TTC39B: variants seen among roughly 807,000 people sequenced by gnomAD.
TTC39B encodes tetratricopeptide repeat protein 39B.
In TTC39B, 92 loss-of-function variants were observed where a neutral mutation model predicts 96.6. The observed-to-expected ratio is 0.95, with a 90% CI of 0.80 to 1.13. The LOEUF (loss-of-function observed/expected upper bound fraction) is 1.13, where lower values mean the gene tolerates loss of function less well. TTC39B is among the 50% of genes most tolerant of loss of function. The probability of loss-of-function intolerance (pLI) is 0.00; values close to 1 mark genes in which losing one functional copy is unlikely to be tolerated. For missense variants in TTC39B, 955 were observed against 809.3 expected (o/e 1.18, Z -2.18); for synonymous variants, 367 against 299.4 (o/e 1.23, Z -2.33).
chr9:15,269,453 A>G (rs912281), intron 1 of TTC39B, among the ~76,000 whole-genome samples: 2,184 of 152,338 alleles, frequency 0.014, 62 homozygotes, highest in African/African-American at 0.049. Context: ...AGAAATGAGG[A>G]AAGGGGGCTA....
At chr9:15,253,940 C>A (rs1474118718) in intron 2 of TTC39B, among the ~76,000 whole-genome samples, 2 of 152,164 alleles carry the variant, frequency 1.3e-5, no homozygotes, top group East Asian at 3.8e-4. Context: ...CATCCCTGCA[C>A]ATGTGAACCT....
At chr9:15,224,932 C>T (rs1194179053) in intron 3 of TTC39B, among the ~76,000 whole-genome samples, 2 of 152,238 alleles carry the variant, frequency 1.3e-5, no homozygotes, top group Non-Finnish European at 2.9e-5. Flanking sequence ...AAAGAACACA[C>T]GCATAGCTGA....
intron 2 of TTC39B, among the ~76,000 whole-genome samples, chr9:15,245,643 C>T (rs1822241001): frequency 6.6e-6 from 1 of 152,128 alleles, no homozygotes; most frequent in Non-Finnish European, 1.5e-5. Context: ...GACTACAGCC[C>T]CAAACCACAA....
chr9:15,299,929 G>A (rs1332650008), intron 1 of TTC39B, among the ~76,000 whole-genome samples: 1 of 152,068 alleles, frequency 6.6e-6, no homozygotes, highest in African/African-American at 2.4e-5. Context: ...GGTACAGGGG[G>A]AGGAAAAGTT....
chr9:15,179,183 T>C (rs868320247), intron 17 of TTC39B, among the ~76,000 whole-genome samples: 5 of 152,192 alleles, frequency 3.3e-5, no homozygotes, highest in Non-Finnish European at 7.3e-5. Flanking sequence ...ATTTACACTT[T>C]TGAAATTTTT....
chr9:15,185,106 C>A (rs1818448428), intron 16 of TTC39B, among the ~76,000 whole-genome samples, 174 bp downstream of exon 16: 1 of 152,152 alleles, frequency 6.6e-6, no homozygotes, highest in Non-Finnish European at 1.5e-5. Context: ...TAGTCAAAAA[C>A]CATTAGCTAC....
chr9:15,217,445 G>A (rs968006100), intron 3 of TTC39B, among the ~76,000 whole-genome samples: 3 of 151,952 alleles, frequency 2.0e-5, no homozygotes, highest in Non-Finnish European at 2.9e-5. Context: ...CAGCACCTCC[G>A]AGCACATAAA....
At chr9:15,192,791 T>A in intron 8 of TTC39B, 96 bp from the exon 9 acceptor site, 2 of 810,366 alleles carry the variant, frequency 2.5e-6, no homozygotes, top group Non-Finnish European at 3.9e-6. Context: ...AAAATAAATG[T>A]CATTAATTAA....
intron 1 of TTC39B, among the ~76,000 whole-genome samples, chr9:15,291,153 A>G (rs56148014): frequency 0.014 from 2,113 of 152,334 alleles, 53 homozygotes; most frequent in African/African-American, 0.047. Flanking sequence ...CATTGTCCAC[A>G]TGAATAATTT....
At chr9:15,289,636 C>T (rs1824108686) in intron 1 of TTC39B, among the ~76,000 whole-genome samples, 1 of 152,172 alleles carries the variant, frequency 6.6e-6, no homozygotes, top group African/African-American at 2.4e-5. Flanking sequence ...GAACAGATAC[C>T]ACAAATCTGA....
chr9:15,297,223 CCCTTGCTGCCTGCTGAAATT>C (rs1408202744), intron 1 of TTC39B, among the ~76,000 whole-genome samples: 7 of 152,206 alleles, frequency 4.6e-5, no homozygotes, highest in African/African-American at 7.2e-5. Context: ...GTGATCTCCT[CCCTTGCTGCCTGCTGAAATT>C]CCACCTCATG....
chr9:15,217,872 T>C (rs1193096404), intron 3 of TTC39B, among the ~76,000 whole-genome samples: 2 of 152,132 alleles, frequency 1.3e-5, no homozygotes, highest in Non-Finnish European at 2.9e-5. Flanking sequence ...TGGCTCACCA[T>C]ACCTGTCCAA....
chr9:15,226,028 G>T lies in TTC39B; in HGVS notation c.276-16C>A. 6.2e-7 allele frequency: 1 copy of T among 1,610,350 alleles called. No homozygotes were observed. Among genetic ancestry groups the T allele is most frequent in the Non-Finnish European group, 8.5e-7 (1 of 1,177,222 alleles). ...GTGAGAAGATCTGTTAATTAAAAAG[G>T]CAGAGCAAGGTTTTTTATTTCTTTG... On this transcript the variant is annotated splice_polypyrimidine_tract_variant and intron_variant, in intron 2 of 19. Coordinates refer to ENST00000512701, the Ensembl canonical transcript of TTC39B.
intron 7 of TTC39B, among the ~76,000 whole-genome samples, chr9:15,200,273 TA>T (rs1449857367): frequency 1.3e-5 from 2 of 151,966 alleles, no homozygotes; most frequent in Non-Finnish European, 2.9e-5. Flanking sequence ...TAACAGAATG[TA>T]AAATGGATGA....
At chr9:15,270,150 ACAG>A (rs1823288516) in intron 1 of TTC39B, among the ~76,000 whole-genome samples, 1 of 152,198 alleles carries the variant, frequency 6.6e-6, no homozygotes, top group Admixed American at 6.5e-5. Context: ...AGACTGGGCA[ACAG>A]AGCAAGACTC....
intron 1 of TTC39B, among the ~76,000 whole-genome samples, chr9:15,272,861 C>T (rs958619934): frequency 4.6e-5 from 7 of 152,162 alleles, no homozygotes; most frequent in Non-Finnish European, 1.0e-4. Context: ...AATGGGCTCA[C>T]CTGTTAGTTG....
chr9:15,209,453 GA>G (rs1404861611), intron 6 of TTC39B, among the ~76,000 whole-genome samples: 1 of 151,758 alleles, frequency 6.6e-6, no homozygotes, highest in Non-Finnish European at 1.5e-5. Flanking sequence ...CTTTCACTTT[GA>G]AAAAAATGTT....
chr9:15,301,887 G>T (rs57595064), intron 1 of TTC39B, among the ~76,000 whole-genome samples: 8 of 152,094 alleles, frequency 5.3e-5, no homozygotes, highest in Admixed American at 3.3e-4. Flanking sequence ...AAAAGCAGGC[G>T]GTAAAAACAT....
chr9:15,288,983 C>A (rs898671139), intron 1 of TTC39B, among the ~76,000 whole-genome samples: 1 of 152,252 alleles, frequency 6.6e-6, no homozygotes, highest in Non-Finnish European at 1.5e-5. Flanking sequence ...GAAATGTGAA[C>A]ACCCCAGACC....
Sources: allele counts gnomAD v4.1 joint callset (sites outside exome capture counted in the v4.1 genomes callset), GRCh38; gene constraint gnomAD v4.1.1; transcripts MANE v1.5; gene names NCBI Gene and HGNC (gene_info 2026-07-23, HGNC 2026-07-21).